Variants in PIK3C2G observed in about 807,000 individuals in gnomAD.
PIK3C2G encodes phosphatidylinositol 3-kinase C2 domain-containing subunit gamma.
In PIK3C2G, 168 loss-of-function variants were observed where a neutral mutation model predicts 181.1. The observed-to-expected ratio is 0.93, with a 90% CI of 0.82 to 1.05. The LOEUF (loss-of-function observed/expected upper bound fraction) is 1.05, where lower values mean the gene tolerates loss of function less well. Ranked by LOEUF, PIK3C2G falls within the 50% of genes least tolerant of loss-of-function variation. The pLI is 0.00. For synonymous variants in PIK3C2G, 573 were observed against 592.2 expected, an observed-to-expected ratio of 0.97 and a Z score of 0.47; for missense variants, 1,869 against 1,732.8, an observed-to-expected ratio of 1.08 and a Z score of -1.40.
At chr12:18,607,618 C>G (rs1272532414) in intron 30 of PIK3C2G, among the ~76,000 whole-genome samples, 1 of 152,126 alleles carries the variant, frequency 6.6e-6, no homozygotes, top group African/African-American at 2.4e-5. Context: ...CTAGGCAATA[C>G]CATTCAGGAC....
intron 31 of PIK3C2G, among the ~76,000 whole-genome samples, chr12:18,612,212 T>C (rs538150556): frequency 2.6e-5 from 4 of 152,078 alleles, no homozygotes; most frequent in Non-Finnish European, 4.4e-5. Context: ...TCCATTTACC[T>C]AGAATGTTCT....
At chr12:18,299,791 C>T (rs1950101650) in intron 5 of PIK3C2G, among the ~76,000 whole-genome samples, 1 of 151,852 alleles carries the variant, frequency 6.6e-6, no homozygotes, top group Non-Finnish European at 1.5e-5. Flanking sequence ...TTGAGATGAG[C>T]ATTTGGTTTT....
intron 25 of PIK3C2G, among the ~76,000 whole-genome samples, chr12:18,539,983 A>G (rs1165708190): frequency 6.6e-6 from 1 of 151,768 alleles, no homozygotes; most frequent in Non-Finnish European, 1.5e-5. Flanking sequence ...ACGGTTTATA[A>G]TGTGTCTGTA....
At chr12:18,466,088 T>G (rs1027319722) in intron 18 of PIK3C2G, among the ~76,000 whole-genome samples, 5 of 151,810 alleles carry the variant, frequency 3.3e-5, no homozygotes, top group African/African-American at 1.2e-4. Flanking sequence ...TATTTGCATG[T>G]GTGTATATAT....
the PIK3C2G span, among the ~76,000 whole-genome samples, chr12:18,685,106 C>G: frequency 2.6e-5 from 4 of 152,180 alleles, no homozygotes; most frequent in South Asian, 8.3e-4. Flanking sequence ...TGGACTAATA[C>G]AGTCAGTCTT....
chr12:18,279,122 G>A (rs1949106141), intron 1 of PIK3C2G, among the ~76,000 whole-genome samples: 1 of 152,018 alleles, frequency 6.6e-6, no homozygotes, highest in Non-Finnish European at 1.5e-5. Context: ...ATCCAGGCAT[G>A]CTCTACATGT....
chr12:18,557,819 C>T (rs1945089276), intron 26 of PIK3C2G, among the ~76,000 whole-genome samples: 1 of 152,008 alleles, frequency 6.6e-6, no homozygotes, highest in African/African-American at 2.4e-5. Context: ...CAAAATATGC[C>T]AAACCAAAGA....
At chr12:18,367,563 A>AT (rs965324930) in intron 12 of PIK3C2G, among the ~76,000 whole-genome samples, 6 of 151,600 alleles carry the variant, frequency 4.0e-5, no homozygotes, top group South Asian at 2.1e-4. Context: ...TTATTTATTT[A>AT]TTTTTTTTGA....
chr12:18,375,058 G>A (rs77027945), intron 13 of PIK3C2G, among the ~76,000 whole-genome samples: 1,961 of 152,312 alleles, frequency 0.013, 37 homozygotes, highest in African/African-American at 0.045. Flanking sequence ...CAGAAAGTCG[G>A]TACCAGGAGT....
intron 16 of PIK3C2G, among the ~76,000 whole-genome samples, chr12:18,405,835 A>G (rs1469538310): frequency 2.0e-5 from 3 of 152,330 alleles, no homozygotes; most frequent in East Asian, 3.9e-4. Context: ...GAAAGATTAA[A>G]TAAAGCTAAT....
downstream of PIK3C2G, among the ~76,000 whole-genome samples, chr12:18,648,622 A>G (rs1371312577): frequency 6.6e-6 from 1 of 152,050 alleles, no homozygotes; most frequent in Admixed American, 6.6e-5. Flanking sequence ...TTCACCACCA[A>G]TCAATTCATT....
intron 22 of PIK3C2G, among the ~76,000 whole-genome samples, chr12:18,498,506 C>T (rs1173735778): frequency 6.6e-6 from 1 of 151,828 alleles, no homozygotes; most frequent in Non-Finnish European, 1.5e-5. Flanking sequence ...ATAGCACATA[C>T]ATGTGCATAA....
chr12:18,291,701 C>T (rs984384441), intron 4 of PIK3C2G, among the ~76,000 whole-genome samples: 2 of 151,924 alleles, frequency 1.3e-5, no homozygotes, highest in Non-Finnish European at 2.9e-5. Flanking sequence ...GAAACTATTT[C>T]CTGGCACATA....
intron 13 of PIK3C2G, among the ~76,000 whole-genome samples, chr12:18,373,762 A>C (rs1045539411): frequency 2.0e-5 from 3 of 151,962 alleles, no homozygotes; most frequent in African/African-American, 7.3e-5. Flanking sequence ...CTGAGGCAGG[A>C]GAATGGCGTG....
chr12:18,439,042 C>T (rs902235167), intron 18 of PIK3C2G, among the ~76,000 whole-genome samples: 7 of 151,982 alleles, frequency 4.6e-5, no homozygotes, highest in African/African-American at 1.7e-4. Context: ...AGATTCCTGA[C>T]ATTTGACTCC....
the PIK3C2G span, chr12:18,683,294 A>G: frequency 3.7e-6 from 6 of 1,612,614 alleles, no homozygotes; most frequent in East Asian, 4.5e-5. Context: ...GCTCTCACCC[A>G]TTCTGGAAAA....
chr12:18,632,507 G>A (rs988160086), intron 31 of PIK3C2G, among the ~76,000 whole-genome samples: 1 of 152,134 alleles, frequency 6.6e-6, no homozygotes, highest in Admixed American at 6.5e-5. Context: ...TATGGATACA[G>A]ACATAGTCAT....
intron 11 of PIK3C2G, among the ~76,000 whole-genome samples, chr12:18,357,826 C>T (rs1019153324): frequency 4.6e-5 from 7 of 152,142 alleles, no homozygotes; most frequent in Non-Finnish European, 7.3e-5. Context: ...CTACTTTTTG[C>T]TTTCAAGAAG....
At chr12:18,350,986 G>A (rs1940166040) in intron 11 of PIK3C2G, among the ~76,000 whole-genome samples, 1 of 152,094 alleles carries the variant, frequency 6.6e-6, no homozygotes, top group Non-Finnish European at 1.5e-5. Context: ...AATATATATT[G>A]TACTTACAGA....
Sources: gnomAD v4.1 joint callset for allele counts (sites outside exome capture counted in the v4.1 genomes callset) on GRCh38, gnomAD v4.1.1 for gene constraint, MANE v1.5 for transcripts, NCBI Gene and HGNC (gene_info 2026-07-23, HGNC 2026-07-21) for gene names.